Variants in MECOM observed in about 807,000 individuals in gnomAD.
MECOM encodes the protein MDS1 and EVI1 complex locus.
A neutral mutation model predicts 116.3 loss-of-function variants in MECOM; 13 were observed. The observed-to-expected ratio is 0.11, with a 90% CI of 0.07 to 0.18. The LOEUF is 0.18. Ranked by LOEUF, MECOM falls within the 10% of genes least tolerant of loss-of-function variation. MECOM has a pLI of 1.00. For missense variants in MECOM, 1,299 were observed against 1,509.0 expected (o/e 0.86, Z 2.31); for synonymous variants, 528 against 535.2 (o/e 0.99, Z 0.19).
intron 1 of MECOM, among the ~76,000 whole-genome samples, chr3:169,640,069 T>C (rs1358516217): frequency 1.3e-5 from 2 of 152,222 alleles, no homozygotes; most frequent in South Asian, 2.1e-4. Flanking sequence ...TTGCGTGTAT[T>C]GGTCAGAGCA....
At chr3:169,218,264 C>T (rs968115804) in intron 2 of MECOM, among the ~76,000 whole-genome samples, 2 of 152,022 alleles carry the variant, frequency 1.3e-5, no homozygotes, top group Admixed American at 6.5e-5. Context: ...TTTCATTTTT[C>T]AGAATGATCT....
At chr3:169,310,427 T>C (rs1437014463) in intron 2 of MECOM, among the ~76,000 whole-genome samples, 1 of 152,232 alleles carries the variant, frequency 6.6e-6, no homozygotes, top group Non-Finnish European at 1.5e-5. Context: ...CCTAATAGTT[T>C]TATAGCAAAT....
intron 1 of MECOM, among the ~76,000 whole-genome samples, chr3:169,643,274 A>C (rs922608317): frequency 2.6e-5 from 4 of 152,202 alleles, no homozygotes; most frequent in African/African-American, 9.6e-5. Flanking sequence ...TACATCAGTC[A>C]TCAATCTGAT....
At chr3:169,458,213 G>A (rs568922698) in intron 1 of MECOM, among the ~76,000 whole-genome samples, 8 of 152,052 alleles carry the variant, frequency 5.3e-5, no homozygotes, top group Non-Finnish European at 1.2e-4. Flanking sequence ...TTCCACCCCC[G>A]CCTTCAACTG....
rs147750457 is a variant in MECOM at position 169,094,374 on chromosome 3, G to A, written c.3019+702C>T. The stretch of plus-strand genomic sequence containing the variant: ...GCACAGGTTGGCTCTGCACACATAT[G>A]CCAGCTGGCAAATGTTACTTAATGA... On this transcript the variant is annotated intron_variant, in intron 13 of 16. Coordinates refer to ENST00000651503, the MANE Select transcript of MECOM (RefSeq NM_004991.4). Among the ~76,000 whole-genome samples, 705 of 152,208 alleles carry A rather than the reference G, an allele frequency of 4.6e-3. 9 individuals are homozygous for A. Among genetic ancestry groups the A allele is most frequent in the African/African-American group, 0.016 (683 of 41,514 alleles).
chr3:169,582,092 TA>T (rs1765184480), intron 1 of MECOM, among the ~76,000 whole-genome samples: 1 of 152,204 alleles, frequency 6.6e-6, no homozygotes, highest in Non-Finnish European at 1.5e-5. Flanking sequence ...AGGCCTGGTT[TA>T]AATTGGACTG....
chr3:169,519,653 C>T (rs989262376), intron 1 of MECOM, among the ~76,000 whole-genome samples: 6 of 152,232 alleles, frequency 3.9e-5, no homozygotes, highest in Non-Finnish European at 8.8e-5. Flanking sequence ...AGCATGGCCT[C>T]TTGCCCCAAC....
At chr3:169,534,015 T>A (rs766886) in intron 1 of MECOM, among the ~76,000 whole-genome samples, 7,638 of 152,220 alleles carry the variant, frequency 0.05, 405 homozygotes, top group East Asian at 0.3. Flanking sequence ...AACGTTTAGG[T>A]TTCCCTGCCA....
intron 1 of MECOM, among the ~76,000 whole-genome samples, chr3:169,485,822 T>C (rs951174912): frequency 1.4e-5 from 2 of 141,494 alleles, no homozygotes; most frequent in Non-Finnish European, 3.0e-5. Flanking sequence ...CCTCTAAATA[T>C]ATATATGTAT....
At chr3:169,637,947 C>T (rs947552345) in intron 1 of MECOM, among the ~76,000 whole-genome samples, 2 of 152,050 alleles carry the variant, frequency 1.3e-5, no homozygotes, top group African/African-American at 4.8e-5. Flanking sequence ...ATAAAGTAAA[C>T]AAACAAATGA....
At chr3:169,212,611 T>G (rs1480389327) in intron 2 of MECOM, among the ~76,000 whole-genome samples, 1 of 135,526 alleles carries the variant, frequency 7.4e-6, no homozygotes, top group East Asian at 2.3e-4. Context: ...TATTATAACA[T>G]AGTCTTGGTC....
intron 3 of MECOM, among the ~76,000 whole-genome samples, chr3:169,142,090 G>C (rs897505290): frequency 2.0e-5 from 3 of 151,892 alleles, no homozygotes; most frequent in Non-Finnish European, 2.9e-5. Context: ...CTAATTCATA[G>C]TGAGAAACAG....
At chr3:169,159,868 A>G (rs1742581115) in intron 2 of MECOM, among the ~76,000 whole-genome samples, 1 of 152,330 alleles carries the variant, frequency 6.6e-6, no homozygotes, top group African/African-American at 2.4e-5. Flanking sequence ...AAATGAGTAT[A>G]ATGATAAAAA....
intron 1 of MECOM, among the ~76,000 whole-genome samples, chr3:169,579,404 C>T (rs1262684208): frequency 6.6e-6 from 1 of 152,048 alleles, no homozygotes; most frequent in Non-Finnish European, 1.5e-5. Context: ...TTTTTTAGGC[C>T]TCATCTCATC....
intron 2 of MECOM, among the ~76,000 whole-genome samples, chr3:169,220,179 A>C (rs1221738114): frequency 6.6e-6 from 1 of 151,928 alleles, no homozygotes; most frequent in Non-Finnish European, 1.5e-5. Context: ...AATACAAAAA[A>C]ATTATCCAGG....
chr3:169,093,081 T>C lies in MECOM; in HGVS notation c.3041A>G (p.His1014Arg). 2 of 1,612,604 alleles carry C rather than the reference T, an allele frequency of 1.2e-6. No individual in the cohort carries two copies. Among genetic ancestry groups the C allele is most frequent in the Non-Finnish European group, 8.5e-7 (1 of 1,179,342 alleles). Residue 1014 changes from histidine (H) to arginine (R), a missense_variant, in exon 14 of 17, where the codon CAT becomes CGT. Transcript: ENST00000651503. ...CGCACCTGTACTTTCCAGTTCAGAA[T>C]GAGGCGACGATGTTGCTGTACCTGT... Reference protein sequence around the residue: ...NMSGTATSSPHSELESTGAIL... With the variant: ...NMSGTATSSPRSELESTGAIL...
At chr3:169,121,896 GA>G (rs10707001) in intron 6 of MECOM, among the ~76,000 whole-genome samples, 43,989 of 145,600 alleles carry the variant, frequency 0.3, 6,463 homozygotes, top group African/African-American at 0.33. Context: ...CCATTGGCAT[GA>G]AAAAAAAAAA....
At chr3:169,121,430 A>C (rs1360445888) in intron 6 of MECOM, among the ~76,000 whole-genome samples, 1 of 152,200 alleles carries the variant, frequency 6.6e-6, no homozygotes, top group Non-Finnish European at 1.5e-5. Flanking sequence ...ATCCACTGGT[A>C]TCAGTTGAAC....
chr3:169,484,014 T>C (rs569794274), intron 1 of MECOM: 16 of 1,581,000 alleles, frequency 1.0e-5, no homozygotes, highest in African/African-American at 4.0e-5. Flanking sequence ...TTCTTTTTTT[T>C]GCCCCCAAAA....
Sources: allele counts gnomAD v4.1 joint callset (sites outside exome capture counted in the v4.1 genomes callset), GRCh38; gene constraint gnomAD v4.1.1; transcripts MANE v1.5; gene names NCBI Gene and HGNC (gene_info 2026-07-23, HGNC 2026-07-21).